SMAD6: variants seen among roughly 807,000 people sequenced by gnomAD.
SMAD6 encodes MAD homolog 6.
Under a neutral mutation model 39.4 loss-of-function variants are expected in SMAD6, and 103 were observed. The ratio of observed to expected loss-of-function variants is 2.62; its 90% CI spans 2.23 to 3.08. The LOEUF is 3.08. Ranked by LOEUF, SMAD6 falls within the 30% of genes most tolerant of loss-of-function variation. The pLI, the probability that SMAD6 is intolerant of heterozygous loss-of-function variation, is 0.00. For synonymous variants in SMAD6, 445 were observed against 353.3 expected (o/e 1.26, Z -2.91); for missense variants, 1,104 against 742.9 (o/e 1.49, Z -5.65).
rs1894255764 is a variant in SMAD6 at position 66,764,429 on chromosome 15, C to T, written c.953-16568C>T. Among the ~76,000 whole-genome samples the T allele has an allele frequency of 2.0e-5, 3 of 151,856 alleles. No individual in the cohort carries two copies. The South Asian group carries it at 6.3e-4, about 32-fold the overall frequency. ...GTGGGATGCGTGCTTTATCCGAAAG[C>T]CTCAGTATTTAGGGAAGAGAAGCCA... On this transcript the variant is annotated intron_variant, in intron 3 of 3. Coordinates refer to ENST00000288840, the MANE Select transcript of SMAD6 (RefSeq NM_005585.5).
At chr15:66,744,238 G>A (rs1893868857) in intron 3 of SMAD6, among the ~76,000 whole-genome samples, 1 of 152,168 alleles carries the variant, frequency 6.6e-6, no homozygotes, top group African/African-American at 2.4e-5. Context: ...CTCTGGGAGC[G>A]ACTTCCTGCC....
intron 3 of SMAD6, among the ~76,000 whole-genome samples, chr15:66,736,021 A>C (rs1893706760): frequency 6.6e-6 from 1 of 152,144 alleles, no homozygotes; most frequent in African/African-American, 2.4e-5. Context: ...TTTTCCTAAA[A>C]AATAAAAAAC....
At chr15:66,772,400 GTTTAT>G (rs1480156622) in intron 3 of SMAD6, among the ~76,000 whole-genome samples, 1 of 152,164 alleles carries the variant, frequency 6.6e-6, no homozygotes, top group African/African-American at 2.4e-5. Context: ...ATGTGAGCTA[GTTTAT>G]TATATTATTA....
chr15:66,774,917 A>T (rs1894440465), intron 3 of SMAD6, among the ~76,000 whole-genome samples: 1 of 151,480 alleles, frequency 6.6e-6, no homozygotes, highest in Non-Finnish European at 1.5e-5. Context: ...GCTGGAGTGC[A>T]GTGGTGCAAT....
intron 2 of SMAD6, among the ~76,000 whole-genome samples, chr15:66,715,848 G>A (rs1893318808): frequency 6.6e-6 from 1 of 151,882 alleles, no homozygotes; most frequent in Admixed American, 6.6e-5. Flanking sequence ...GGATGTTAGG[G>A]AGTGGGGGAG....
intron 3 of SMAD6, among the ~76,000 whole-genome samples, chr15:66,737,252 T>TGG: frequency 6.6e-6 from 1 of 152,308 alleles, no homozygotes; most frequent in Admixed American, 6.5e-5. Context: ...TCCCTCTACT[T>TGG]GGAATGCCCT....
At chr15:66,723,676 A>T (rs560065462) in intron 3 of SMAD6, among the ~76,000 whole-genome samples, 1 of 152,324 alleles carries the variant, frequency 6.6e-6, no homozygotes, top group Admixed American at 6.5e-5. Context: ...CCCTGTCTCT[A>T]AAAAAGTAAG....
At chr15:66,764,939 G>C (rs1473152411) in intron 3 of SMAD6, among the ~76,000 whole-genome samples, 2 of 152,152 alleles carry the variant, frequency 1.3e-5, no homozygotes, top group Middle Eastern at 3.4e-3. Flanking sequence ...TCCACCCCTG[G>C]GTTTCACCGC....
rs76546033 is a variant in SMAD6 at position 66,747,803 on chromosome 15, T to C, written c.952+31305T>C. ...AGGGATTGTCTGTGGTGGTTACTTA[T>C]GCTCTGGCCACCATTTCGTCAGGAC... On this transcript the variant is annotated intron_variant, in intron 3 of 3. Transcript: ENST00000288840. This position sits in a 1 kb window ranked among gnomAD's most constrained non-coding sequence, Gnocchi z 4.5. 2.5e-3 allele frequency among the ~76,000 whole-genome samples: 376 copies of C among 152,330 alleles called. 1 individual carries two copies. The East Asian group carries it at 0.031, about 13-fold the overall frequency.
At chr15:66,768,752 G>A (rs565050382) in intron 3 of SMAD6, among the ~76,000 whole-genome samples, 1 of 152,250 alleles carries the variant, frequency 6.6e-6, no homozygotes, top group South Asian at 2.1e-4. Context: ...TCAAACCTGG[G>A]GCTGGGTTTG....
intron 3 of SMAD6, among the ~76,000 whole-genome samples, chr15:66,775,140 G>A (rs993416303): frequency 1.3e-4 from 20 of 152,022 alleles, no homozygotes; most frequent in African/African-American, 4.8e-4. Context: ...GAGATTACAG[G>A]CATGAGCCAC....
At chr15:66,734,953 T>C (rs2140629160) in intron 3 of SMAD6, among the ~76,000 whole-genome samples, 1 of 152,318 alleles carries the variant, frequency 6.6e-6, no homozygotes, top group East Asian at 1.9e-4. Flanking sequence ...CATGGTAGAG[T>C]GTGGACCCTC....
intron 3 of SMAD6, among the ~76,000 whole-genome samples, chr15:66,741,877 A>G (rs766443759): frequency 2.6e-5 from 4 of 152,096 alleles, no homozygotes; most frequent in Non-Finnish European, 2.9e-5. Flanking sequence ...TTGGACCCTT[A>G]TGTACAGAGG....
At chr15:66,711,747 C>A (rs768859121) in intron 2 of SMAD6, 23 bp downstream of exon 2, 3 of 1,600,040 alleles carry the variant, frequency 1.9e-6, no homozygotes, top group Non-Finnish European at 2.6e-6. Flanking sequence ...TCCTTCCTAC[C>A]CTTGCAGAGG....
intron 3 of SMAD6, among the ~76,000 whole-genome samples, chr15:66,749,169 A>G (rs1893956781): frequency 6.6e-6 from 1 of 152,194 alleles, no homozygotes; most frequent in Non-Finnish European, 1.5e-5. Context: ...TACAAAAAAT[A>G]CAAAAACTGG....
chr15:66,754,665 C>T (rs1209626532), intron 3 of SMAD6, among the ~76,000 whole-genome samples: 6 of 152,210 alleles, frequency 3.9e-5, no homozygotes, highest in South Asian at 2.1e-4. Flanking sequence ...GGGCATTTTA[C>T]GTAGAGTGTC....
At position 66,716,469 on chromosome 15, in the gene SMAD6, C is replaced by T. The variant is rs1567096473; in HGVS notation, c.923C>T (p.Ser308Phe). Reference sequence around the variant, plus strand: ...TACACTGAAACGGAGGCTACCAACTCCCTCATCACTGCTCCGGGTGAATTC... The same window carrying T: ...TACACTGAAACGGAGGCTACCAACTTCCTCATCACTGCTCCGGGTGAATTC... ...LSYTETEATN[S>F]LITAPGEFSD... The change falls in exon 3 of 4, where the codon TCC (serine) becomes TTC (phenylalanine). Residue 308 changes from serine (S) to phenylalanine (F), a missense_variant. Coordinates refer to ENST00000288840, the MANE Select transcript of SMAD6 (RefSeq NM_005585.5). 6.2e-7 allele frequency: 1 copy of T among 1,613,544 alleles called. No individual in the cohort carries two copies. The highest frequency in any genetic ancestry group is 8.5e-7 in the Non-Finnish European group (1 of 1,179,408).
At chr15:66,707,961 C>T (rs1893151897) in intron 1 of SMAD6, 2 of 152,428 alleles carry the variant, frequency 1.3e-5, no homozygotes, top group East Asian at 3.9e-4. Flanking sequence ...GAATTTAGGT[C>T]TAGATCCCAA....
At position 66,703,906 on chromosome 15, in the gene SMAD6, CG is replaced by C; in HGVS notation, c.650del (p.Gly217AlafsTer25). On this transcript the variant is annotated frameshift_variant, in exon 1 of 4. Coordinates refer to ENST00000288840, the MANE Select transcript of SMAD6 (RefSeq NM_005585.5). LOFTEE classifies it high-confidence loss of function. ...TGCCGCGCGCCGACCTCCGCCTGGG[CG>C]GCCAGCCCGCGCCGCCGCAGCTGCT... ...LVPRADLRLG[G>X]QPAPPQLLLG... 1 of 1,288,884 alleles carries C rather than the reference CG, an allele frequency of 7.8e-7. No homozygotes were observed. The highest frequency in any genetic ancestry group is 9.8e-7 in the Non-Finnish European group (1 of 1,023,384). 79.8% of individuals were successfully genotyped at this position (1,288,884 alleles called of 1,614,324 possible). A position where few individuals can be genotyped will look rare whatever the true frequency, so the allele number is the denominator to read the frequency against.
Sources: gnomAD v4.1 joint callset for allele counts (sites outside exome capture counted in the v4.1 genomes callset) on GRCh38, gnomAD v4.1.1 for gene constraint, Gnocchi (gnomAD v3.1) non-coding constraint, MANE v1.5 for transcripts, NCBI Gene and HGNC (gene_info 2026-07-23, HGNC 2026-07-21) for gene names.